DCC: variants seen among roughly 807,000 people sequenced by gnomAD.
DCC encodes the protein netrin receptor DCC.
DCC carries 58 observed loss-of-function variants against 172.5 expected under a neutral mutation model. The ratio of observed to expected loss-of-function variants is 0.34; its 90% CI spans 0.27 to 0.42. DCC has a LOEUF of 0.42. Ranked by LOEUF, DCC falls within the 10% of genes least tolerant of loss-of-function variation. The pLI is 1.00. For synonymous variants in DCC, 709 were observed against 644.5 expected, an observed-to-expected ratio of 1.10 and a Z score of -1.52; for missense variants, 1,740 against 1,791.0, an observed-to-expected ratio of 0.97 and a Z score of 0.51.
chr18:52,742,642 C>T (rs187595787), intron 1 of DCC, among the ~76,000 whole-genome samples: 1 of 152,240 alleles, frequency 6.6e-6, no homozygotes, highest in East Asian at 1.9e-4. Flanking sequence ...TTTGTCAATG[C>T]AATATTTTTC....
intron 2 of DCC, among the ~76,000 whole-genome samples, chr18:52,879,412 C>CCTTTTTTTTTTTTTTTTTTTTTTTTTTTT (rs2039447955): frequency 6.4e-5 from 4 of 62,354 alleles, no homozygotes; most frequent in African/African-American, 2.8e-4. Context: ...TGTTGTTTGG[C>CCTTTTTTTTTTTTTTTTTTTTTTTTTTTT]TTTTTTTTTT....
intron 1 of DCC, among the ~76,000 whole-genome samples, chr18:52,393,664 T>G (rs1429026775): frequency 6.6e-6 from 1 of 152,048 alleles, no homozygotes; most frequent in African/African-American, 2.4e-5. Flanking sequence ...ATCAATGTTT[T>G]GACAAACTTC....
chr18:52,507,901 G>T (rs561713013), intron 1 of DCC, among the ~76,000 whole-genome samples: 1 of 152,240 alleles, frequency 6.6e-6, no homozygotes, highest in South Asian at 2.1e-4. Flanking sequence ...AGGAGTTCAA[G>T]ACCAGCCTGA....
chr18:53,092,244 G>A (rs1012322422), intron 7 of DCC, among the ~76,000 whole-genome samples: 2 of 152,070 alleles, frequency 1.3e-5, no homozygotes, highest in Non-Finnish European at 2.9e-5. Context: ...AGAATTTAGT[G>A]TGCTCTGAGA....
At chr18:52,513,731 G>A (rs1269502944) in intron 1 of DCC, among the ~76,000 whole-genome samples, 1 of 152,102 alleles carries the variant, frequency 6.6e-6, no homozygotes, top group Non-Finnish European at 1.5e-5. Context: ...ATGATGGTCA[G>A]GTTGTCAGAT....
At chr18:52,778,023 T>A (rs899680474) in intron 2 of DCC, among the ~76,000 whole-genome samples, 5 of 152,176 alleles carry the variant, frequency 3.3e-5, no homozygotes, top group African/African-American at 1.2e-4. Flanking sequence ...CAAGGGTTTT[T>A]AATGGTCACC....
intron 1 of DCC, among the ~76,000 whole-genome samples, chr18:52,499,694 T>C (rs1490978618): frequency 6.6e-6 from 1 of 152,144 alleles, no homozygotes; most frequent in East Asian, 1.9e-4. Flanking sequence ...TCACTGTGAG[T>C]TGATTCCCTA....
At chr18:52,942,850 G>T (rs545501413) in intron 5 of DCC, among the ~76,000 whole-genome samples, 61 of 152,220 alleles carry the variant, frequency 4.0e-4, no homozygotes, top group Middle Eastern at 6.8e-3. Flanking sequence ...GGAGGGTTTG[G>T]CTTGTTCATA....
chr18:53,407,839 G>T (rs1909764353), intron 19 of DCC, among the ~76,000 whole-genome samples: 1 of 151,942 alleles, frequency 6.6e-6, no homozygotes, highest in Admixed American at 6.6e-5. Context: ...TTTTATTGAT[G>T]TTTATCATGG....
intron 1 of DCC, among the ~76,000 whole-genome samples, chr18:52,346,809 A>G (rs1319597360): frequency 6.6e-6 from 1 of 152,190 alleles, no homozygotes; most frequent in Non-Finnish European, 1.5e-5. Flanking sequence ...TCTCTTTTCT[A>G]GTAAATTCCA....
At chr18:53,402,556 T>G (rs1168712092) in intron 18 of DCC, among the ~76,000 whole-genome samples, 1 of 152,144 alleles carries the variant, frequency 6.6e-6, no homozygotes, top group Non-Finnish European at 1.5e-5. Flanking sequence ...ACACATACTC[T>G]CTTCTGTTCT....
In DCC at chr18:53,375,937, G is replaced by C. The variant is rs188151940; in HGVS notation, c.2360-10106G>C. On this transcript the variant is annotated intron_variant, in intron 15 of 28. Transcript: ENST00000442544. ...CAGACCTTCTATTCCTGACACTATG[G>C]AGGAGAAAACCTGAACTTAAAAAGG... 4.2e-3 allele frequency among the ~76,000 whole-genome samples: 640 copies of C among 152,174 alleles called. 7 individuals are homozygous for C. Among genetic ancestry groups the C allele is most frequent in the African/African-American group, 0.014 (599 of 41,512 alleles).
At chr18:52,802,690 G>A in intron 2 of DCC, among the ~76,000 whole-genome samples, 1 of 91,108 alleles carries the variant, frequency 1.1e-5, no homozygotes, top group African/African-American at 4.3e-5. Flanking sequence ...TTTTAATGGA[G>A]ACACAGGGTC....
chr18:53,059,856 T>A (rs1251955276), intron 5 of DCC, among the ~76,000 whole-genome samples: 1 of 152,118 alleles, frequency 6.6e-6, no homozygotes, highest in African/African-American at 2.4e-5. Context: ...CAGTAGCAAA[T>A]CTTTGTTGAG....
chr18:52,866,083 A>G (rs777996785), intron 2 of DCC, among the ~76,000 whole-genome samples: 15 of 152,334 alleles, frequency 9.8e-5, no homozygotes, highest in Middle Eastern at 3.4e-3. Context: ...GGTGTAAGGA[A>G]GGGGTCCAGT....
rs2042521952 is a variant in DCC at position 53,063,302 on chromosome 18, C to T, written c.986-3C>T. 1.2e-6 allele frequency: 2 copies of T among 1,611,800 alleles called. No homozygotes were observed. Among genetic ancestry groups the T allele is most frequent in the Admixed American group, 1.7e-5 (1 of 59,888 alleles). ...ACTCACTTTTTTTTTTCTGTCTTTG[C>T]AGTTCCGCCATGGTTTTTAAATCAT... is the stretch of plus-strand genomic sequence containing the variant. On this transcript the variant is annotated splice_polypyrimidine_tract_variant and splice_region_variant and intron_variant, in intron 5 of 28. Coordinates refer to ENST00000442544, the MANE Select transcript of DCC (RefSeq NM_005215.4).
At chr18:52,921,687 G>T (rs2040127279) in intron 3 of DCC, among the ~76,000 whole-genome samples, 1 of 140,042 alleles carries the variant, frequency 7.1e-6, no homozygotes, top group South Asian at 2.4e-4. Flanking sequence ...TGACAGAGAG[G>T]CTCCATCTCA....
chr18:52,605,009 G>A (rs2034102919), intron 1 of DCC, among the ~76,000 whole-genome samples: 1 of 113,454 alleles, frequency 8.8e-6, no homozygotes, highest in South Asian at 2.8e-4. Flanking sequence ...ACTATAAGGA[G>A]CTGAAGTTCT....
rs549221414 is a variant in DCC at position 53,440,953 on chromosome 18, A to T, written c.3229+5744A>T. Among the ~76,000 whole-genome samples, 6 of 152,338 alleles carry T rather than the reference A, an allele frequency of 3.9e-5. No individual in the cohort carries two copies. In the South Asian group the frequency reaches 1.2e-3, roughly 32 times the overall value. ...GCACTTCTGAACCTCACCAGCATTA[A>T]CATGTAAGATTGGATTTTTCTTTGT... On this transcript the variant is annotated intron_variant, in intron 22 of 28. Transcript: ENST00000442544.
Sources: gnomAD v4.1 joint callset for allele counts (sites outside exome capture counted in the v4.1 genomes callset) on GRCh38, gnomAD v4.1.1 for gene constraint, MANE v1.5 for transcripts, NCBI Gene and HGNC (gene_info 2026-07-23, HGNC 2026-07-21) for gene names.